Variants in ZFHX3 observed in about 807,000 individuals in gnomAD.
ZFHX3 encodes the protein zinc finger homeobox protein 3.
Under a neutral mutation model 279.1 loss-of-function variants are expected in ZFHX3, and 42 were observed. The observed-to-expected ratio is 0.15, with a 90% CI of 0.12 to 0.19. ZFHX3 has a LOEUF of 0.19. Ranked by LOEUF, ZFHX3 falls within the 10% of genes least tolerant of loss-of-function variation. The pLI is 1.00. For missense variants in ZFHX3, 4,981 were observed against 4,754.0 expected (o/e 1.05, Z -1.40); for synonymous variants, 2,293 against 1,957.8 (o/e 1.17, Z -4.52).
At chr16:73,028,492 G>A (rs754267449) in intron 1 of ZFHX3, among the ~76,000 whole-genome samples, 8 of 152,250 alleles carry the variant, frequency 5.3e-5, no homozygotes, top group East Asian at 3.9e-4. Flanking sequence ...GGGGTTGGTC[G>A]CTCCTCCTGC....
At chr16:73,627,177 A>G (rs960982267) in intron 2 of ZFHX3, among the ~76,000 whole-genome samples, 4 of 152,244 alleles carry the variant, frequency 2.6e-5, no homozygotes, top group African/African-American at 9.6e-5. Flanking sequence ...GGCAAGAGTC[A>G]TGCAAAAAAC....
chr16:73,342,891 G>T (rs1044956983), intron 3 of ZFHX3, among the ~76,000 whole-genome samples: 1 of 152,222 alleles, frequency 6.6e-6, no homozygotes, highest in Non-Finnish European at 1.5e-5. Context: ...CAGTGACACT[G>T]TGTGGGGGCT....
intron 2 of ZFHX3, among the ~76,000 whole-genome samples, chr16:73,573,182 C>A (rs825681): frequency 0.017 from 2,630 of 152,260 alleles, 42 homozygotes; most frequent in Non-Finnish European, 0.027. Flanking sequence ...TGATATTTAA[C>A]CTGCCGCAGG....
intron 1 of ZFHX3, among the ~76,000 whole-genome samples, chr16:73,010,684 TG>T (rs537429805): frequency 1.8e-4 from 27 of 152,196 alleles, no homozygotes; most frequent in Non-Finnish European, 3.5e-4. Flanking sequence ...CTGCCTGATG[TG>T]CTGTGTCTGT....
intron 4 of ZFHX3, among the ~76,000 whole-genome samples, chr16:73,288,169 T>TGGAG (rs566105921): frequency 1.7e-5 from 1 of 57,248 alleles, no homozygotes; most frequent in Non-Finnish European, 3.4e-5. Context: ...TGTCACCCCA[T>TGGAG]GGAGGGAGGG....
chr16:73,035,218 A>G (rs899773485), intron 1 of ZFHX3, among the ~76,000 whole-genome samples: 1 of 152,224 alleles, frequency 6.6e-6, no homozygotes, highest in African/African-American at 2.4e-5. Flanking sequence ...TGTGGAAATG[A>G]TAACCTTTTG....
intron 3 of ZFHX3, among the ~76,000 whole-genome samples, chr16:73,363,926 A>G (rs1242484231): frequency 6.6e-6 from 1 of 152,120 alleles, no homozygotes; most frequent in African/African-American, 2.4e-5. Flanking sequence ...TAATCCCCGC[A>G]CTTTGGGAGG....
rs140219846 is a variant in ZFHX3 at position 73,120,649 on chromosome 16, C to CTTTTTTTTTT, written c.-897+10318_-897+10319insAAAAAAAAAA. The stretch of plus-strand genomic sequence containing the variant: ...TTGTTTTTCTGCCCTATCCTCTCTA[C>CTTTTTTTTTT]CTTTTTTTTTTTTTTTTTTTTTTGA... On this transcript the variant is annotated intron_variant, in intron 7 of 17. Transcript: ENST00000641206. Among the ~76,000 whole-genome samples the CTTTTTTTTTT allele has an allele frequency of 2.8e-5, 3 of 106,202 alleles. 1 individual carries two copies. Among genetic ancestry groups the CTTTTTTTTTT allele is most frequent in the Non-Finnish European group, 4.0e-5 (2 of 50,578 alleles). 69.7% of individuals were successfully genotyped at this position (106,202 alleles called of 152,430 possible). A position where few individuals can be genotyped will look rare whatever the true frequency, so the allele number is the denominator to read the frequency against.
intron 1 of ZFHX3, among the ~76,000 whole-genome samples, chr16:73,832,592 G>A (rs1961027919): frequency 6.6e-6 from 1 of 152,086 alleles, no homozygotes; most frequent in South Asian, 2.1e-4. Context: ...CCAGGCTGGA[G>A]TCTAGAGTGC....
chr16:73,770,911 G>A (rs1413524924), intron 1 of ZFHX3, among the ~76,000 whole-genome samples: 1 of 152,158 alleles, frequency 6.6e-6, no homozygotes, highest in African/African-American at 2.4e-5. Context: ...ACGGATGGAT[G>A]GATCACTTTT....
chr16:72,871,542 A>G (rs1029647510), intron 4 of ZFHX3, among the ~76,000 whole-genome samples: 2 of 151,808 alleles, frequency 1.3e-5, no homozygotes, highest in African/African-American at 4.8e-5. Flanking sequence ...GGGTTTCACC[A>G]CGTTGGCCAG....
Position 72,794,583 on chromosome 16 carries a change from T to C in ZFHX3, c.8099A>G (p.Gln2700Arg). 2 of 1,614,242 alleles carry C rather than the reference T, an allele frequency of 1.2e-6. No individual in the cohort carries two copies. The highest frequency in any genetic ancestry group is 1.7e-6 in the Non-Finnish European group (2 of 1,180,040). The change falls in exon 9 of 10, where the codon CAG becomes CGG. Residue 2700 changes from glutamine (Q) to arginine (R), a missense_variant. This residue lies in a region of ZFHX3 where 744 missense variants were observed against 701.3 expected (regional missense o/e 1.06). Coordinates refer to ENST00000268489, the MANE Select transcript of ZFHX3 (RefSeq NM_006885.4). The surrounding 1 kb of genome is among the most constrained non-coding windows in gnomAD (Gnocchi z 4.2). ...CTGCGCTGGGCCTACAGCCCGGAAC[T>C]GTCCTTTCCTTTCCCGAGCTCGGGT... ...QNTRARERKG[Q>R]FRAVGPAQAH... is the part of the protein sequence containing the mutation.
intron 1 of ZFHX3, among the ~76,000 whole-genome samples, chr16:73,815,244 C>G (rs1960535632): frequency 6.6e-6 from 1 of 152,184 alleles, no homozygotes; most frequent in Non-Finnish European, 1.5e-5. Context: ...CAGGCTGTGT[C>G]TTTTCAAAGC....
At chr16:72,885,351 G>A (rs983325783) in intron 4 of ZFHX3, among the ~76,000 whole-genome samples, 24 of 152,336 alleles carry the variant, frequency 1.6e-4, no homozygotes, top group Admixed American at 1.3e-3. Context: ...AAGGAGTTAC[G>A]TAGCCAGTCA....
At chr16:73,808,120 G>A (rs1960332543) in intron 1 of ZFHX3, among the ~76,000 whole-genome samples, 1 of 152,162 alleles carries the variant, frequency 6.6e-6, no homozygotes, top group African/African-American at 2.4e-5. Context: ...TGTGGGCACT[G>A]AAGAGAGACC....
chr16:72,897,646 G>T (rs2038932230), intron 3 of ZFHX3, among the ~76,000 whole-genome samples: 3 of 152,068 alleles, frequency 2.0e-5, no homozygotes, highest in Non-Finnish European at 4.4e-5. Flanking sequence ...TGACCAATTT[G>T]CCCAGGCTGG....
chr16:73,157,554 A>T (rs1967123815), intron 5 of ZFHX3, among the ~76,000 whole-genome samples: 1 of 151,490 alleles, frequency 6.6e-6, no homozygotes, highest in African/African-American at 2.4e-5. Context: ...CTCCTTAAAA[A>T]AGGGGGTCGA....
chr16:73,631,736 C>T (rs1270177196), intron 2 of ZFHX3, among the ~76,000 whole-genome samples: 3 of 152,070 alleles, frequency 2.0e-5, no homozygotes, highest in Non-Finnish European at 4.4e-5. Flanking sequence ...GAAACTCCGT[C>T]TGTATAAAAA....
intron 3 of ZFHX3, chr16:73,401,398 A>ACACACACACACACACACACACACACCT: frequency 6.6e-6 from 1 of 152,206 alleles, no homozygotes; most frequent in Non-Finnish European, 1.5e-5. Context: ...ACACACACAC[A>ACACACACACACACACACACACACACCT]CACACACACC....
Sources: allele counts gnomAD v4.1 joint callset (sites outside exome capture counted in the v4.1 genomes callset), GRCh38; gene constraint gnomAD v4.1.1; regional missense constraint gnomAD v4.1.1; non-coding constraint Gnocchi (gnomAD v3.1); transcripts MANE v1.5; gene names NCBI Gene and HGNC (gene_info 2026-07-23, HGNC 2026-07-21).